Variants in SECTM1 observed in about 807,000 individuals in gnomAD.
SECTM1 encodes the protein secreted and transmembrane 1, also known as secreted and transmembrane protein 1.
A neutral mutation model predicts 18.1 loss-of-function variants in SECTM1; 10 were observed. That is an observed-to-expected ratio of 0.55 (90% CI 0.34 to 0.94). The LOEUF is 0.94. Among genes scored for constraint, SECTM1 ranks in the 40% least tolerant of loss-of-function variants. The pLI is 0.02. For missense variants in SECTM1, 297 were observed against 322.6 expected (o/e 0.92, Z 0.61); for synonymous variants, 137 against 139.2 (o/e 0.98, Z 0.11).
intron 1 of SECTM1, among the ~76,000 whole-genome samples, chr17:82,327,521 C>T (rs962513542): frequency 6.6e-6 from 1 of 152,208 alleles, no homozygotes; most frequent in Non-Finnish European, 1.5e-5. Context: ...GACAGAGTTG[C>T]CCGCAGCACA....
rs1043892761 is a variant in SECTM1 at position 82,328,778 on chromosome 17, C to T, written c.-52-1486G>A. Among the ~76,000 whole-genome samples the T allele has an allele frequency of 2.0e-5, 3 of 152,146 alleles. No individual in the cohort carries two copies. Among genetic ancestry groups the T allele is most frequent in the African/African-American group, 7.2e-5 (3 of 41,426 alleles). ...CTTTCAGCCGAGAGAACTCCACCTTCGAAGGCGGCTGGGGCAAGGGTTCGT... is the reference window on the plus strand; with the variant it reads ...CTTTCAGCCGAGAGAACTCCACCTTTGAAGGCGGCTGGGGCAAGGGTTCGT... On this transcript the variant is annotated intron_variant, in intron 1 of 4. Coordinates refer to ENST00000269389, the MANE Select transcript of SECTM1 (RefSeq NM_003004.3). The surrounding 1 kb of genome is among the most constrained non-coding windows in gnomAD (Gnocchi z 5.8).
Position 82,327,168 on chromosome 17 carries a change from A to G in SECTM1, c.73T>C (p.Ser25Pro), listed in dbSNP as rs2052153673. 6 of 1,611,686 alleles carry G rather than the reference A, an allele frequency of 3.7e-6. No homozygotes were observed. The highest frequency in any genetic ancestry group is 5.1e-6 in the Non-Finnish European group (6 of 1,178,858). The change falls in exon 2 of 5, where the codon TCC becomes CCC. Residue 25 changes from serine to proline, a missense_variant. Physicochemically the swap from Ser to Pro is moderately conservative, Grantham distance 74. Transcript: ENST00000269389. The part of the protein sequence containing the change: ...ALGTLLFLAA[S>P]LSAQNEGWDS... ...CTACCTTCATTCTGAGCACTCAAGG[A>G]GGCAGCCAAAAACAGGAGGGTCCCA...
intron 1 of SECTM1, chr17:82,327,986 C>A (rs1244896992): frequency 2.2e-5 from 3 of 137,428 alleles, no homozygotes; most frequent in Admixed American, 2.2e-4. Flanking sequence ...CCCAGCCTGT[C>A]CATCAGCCTC....
rs1007410475 is a variant in SECTM1, at chr17:82,330,322, G to C, written c.-52-3030C>G. ...CACCTGGAGCCTGGAGGCCATCTGA[G>C]TCTGTTTCACAAATGCTTCCAGGGA... On this transcript the variant is annotated intron_variant, in intron 1 of 4. Coordinates refer to ENST00000269389, the MANE Select transcript of SECTM1 (RefSeq NM_003004.3). This position sits in a 1 kb window ranked among gnomAD's most constrained non-coding sequence, Gnocchi z 6.1. 6.6e-6 allele frequency among the ~76,000 whole-genome samples: 1 copy of C among 152,170 alleles called. No homozygotes were observed. The highest frequency in any genetic ancestry group is 2.4e-5 in the African/African-American group (1 of 41,428).
rs549164353 is a variant in SECTM1, at chr17:82,330,249, G to A, written c.-52-2957C>T. ...ACCACCCCGCCGACCGTGTCCGGGA[G>A]GGGATGCCCTGCTGCTCTCCCCAGG... is the stretch of plus-strand genomic sequence containing the variant. On this transcript the variant is annotated intron_variant, in intron 1 of 4. Coordinates refer to ENST00000269389, the MANE Select transcript of SECTM1 (RefSeq NM_003004.3). The surrounding 1 kb of genome is among the most constrained non-coding windows in gnomAD (Gnocchi z 6.1). Among the ~76,000 whole-genome samples the A allele has an allele frequency of 6.6e-5, 10 of 152,310 alleles. No homozygotes were observed. The highest frequency in any genetic ancestry group is 2.2e-4 in the African/African-American group (9 of 41,576).
At position 82,325,397 on chromosome 17, in the gene SECTM1, G is replaced by A. The variant is rs2052137725; in HGVS notation, c.95-507C>T. Among the ~76,000 whole-genome samples the A allele has an allele frequency of 6.6e-6, 1 of 152,206 alleles. No homozygotes were observed. Among genetic ancestry groups the A allele is most frequent in the Non-Finnish European group, 1.5e-5 (1 of 68,036 alleles). ...CTGCGTGAGGAAGGGCAGGGCTTCT[G>A]CAGACACCCACAGGCCAGCCTCAGA... is the stretch of plus-strand genomic sequence containing the variant. On this transcript the variant is annotated intron_variant, in intron 2 of 4. Transcript: ENST00000269389. This position sits in a 1 kb window ranked among gnomAD's most constrained non-coding sequence, Gnocchi z 7.6.
rs957738254 is a variant in SECTM1, at chr17:82,322,026, T to A, written c.*135A>T. On this transcript the variant is annotated 3_prime_UTR_variant, in exon 5 of 5. Coordinates refer to ENST00000269389, the MANE Select transcript of SECTM1 (RefSeq NM_003004.3). ...GGAAGGGTCTGCACGCACCCAGGAG[T>A]GGGTGACACAGAGGCCCAGCCTGCC... 2.7e-6 allele frequency: 2 copies of A among 751,408 alleles called. No individual in the cohort carries two copies. The highest frequency in any genetic ancestry group is 4.4e-6 in the Non-Finnish European group (2 of 452,734). 46.5% of individuals were successfully genotyped at this position (751,408 alleles called of 1,614,324 possible).
rs1245782907 is a variant in SECTM1 at position 82,330,244 on chromosome 17, CG to C, written c.-52-2953del. ...TCCGCACCACCCCGCCGACCGTGTCCGGGAGGGGATGCCCTGCTGCTCTCCC... is the reference window on the plus strand; with the variant it reads ...TCCGCACCACCCCGCCGACCGTGTCCGGAGGGGATGCCCTGCTGCTCTCCC... On this transcript the variant is annotated intron_variant, in intron 1 of 4. Transcript: ENST00000269389. The surrounding 1 kb of genome is among the most constrained non-coding windows in gnomAD (Gnocchi z 6.1). 1.3e-5 allele frequency among the ~76,000 whole-genome samples: 2 copies of C among 152,178 alleles called. No individual in the cohort carries two copies. Among genetic ancestry groups the C allele is most frequent in the African/African-American group, 4.8e-5 (2 of 41,436 alleles).
chr17:82,333,049 G>A (rs2052204517), intron 1 of SECTM1, among the ~76,000 whole-genome samples: 1 of 151,380 alleles, frequency 6.6e-6, no homozygotes. Flanking sequence ...ACGGGCAGCT[G>A]AGGGCCTGCC....
At position 82,328,911 on chromosome 17, in the gene SECTM1, G is replaced by A. The variant is rs116603822; in HGVS notation, c.-52-1619C>T. ...TCCCAGCTCCCAGTGCAGCCCACACGCCGGAGTGCAGATGACCTGCAGGGA... is the reference window on the plus strand; with the variant it reads ...TCCCAGCTCCCAGTGCAGCCCACACACCGGAGTGCAGATGACCTGCAGGGA... On this transcript the variant is annotated intron_variant, in intron 1 of 4. Transcript: ENST00000269389. This position sits in a 1 kb window ranked among gnomAD's most constrained non-coding sequence, Gnocchi z 5.8. Among the ~76,000 whole-genome samples the A allele has an allele frequency of 0.061, 9,270 of 152,254 alleles. 369 individuals carry two copies. The highest frequency in any genetic ancestry group is 0.11 in the African/African-American group (4,480 of 41,530).
rs1399753433 is a variant in SECTM1 at position 82,330,851 on chromosome 17, G to A, written c.-53+2849C>T. ...TGGGAGTGAGAAGCTGGCACTGTCC[G>A]TCTTTCTGGCCTCATCCTCTCCATG... On this transcript the variant is annotated intron_variant, in intron 1 of 4. Transcript: ENST00000269389. This position sits in a 1 kb window ranked among gnomAD's most constrained non-coding sequence, Gnocchi z 6.1. 1.3e-5 allele frequency among the ~76,000 whole-genome samples: 2 copies of A among 152,242 alleles called. No individual in the cohort carries two copies. Among genetic ancestry groups the A allele is most frequent in the South Asian group, 2.1e-4 (1 of 4,822 alleles).
chr17:82,329,928 G>A lies in SECTM1; in HGVS notation c.-52-2636C>T, dbSNP rs1299982887. On this transcript the variant is annotated intron_variant, in intron 1 of 4. Coordinates refer to ENST00000269389, the MANE Select transcript of SECTM1 (RefSeq NM_003004.3). This position sits in a 1 kb window ranked among gnomAD's most constrained non-coding sequence, Gnocchi z 7.6. ...GGACACATGCCCCAGCTCAGCACCC[G>A]AGGCTTCATCCCATCTGCATAGTCT... Among the ~76,000 whole-genome samples the A allele has an allele frequency of 1.3e-5, 2 of 152,126 alleles. No homozygotes were observed. The highest frequency in any genetic ancestry group is 2.1e-4 in the South Asian group (1 of 4,826).
At position 82,329,429 on chromosome 17, in the gene SECTM1, C is replaced by G. The variant is rs930574118; in HGVS notation, c.-52-2137G>C. On this transcript the variant is annotated intron_variant, in intron 1 of 4. Coordinates refer to ENST00000269389, the MANE Select transcript of SECTM1 (RefSeq NM_003004.3). This position sits in a 1 kb window ranked among gnomAD's most constrained non-coding sequence, Gnocchi z 7.6. ...TGTCCTGAGGTCTGGGTTCCCCACT[C>G]CAGGCAGCCGCTATGCTCAGTACAA... 2 of 152,262 alleles carry G rather than the reference C, an allele frequency of 1.3e-5. No homozygotes were observed. Among genetic ancestry groups the G allele is most frequent in the South Asian group, 2.1e-4 (1 of 4,832 alleles). The allele number at this position is 152,262 out of a possible 1,614,324, so 9.4% of individuals were successfully genotyped here.
At position 82,326,942 on chromosome 17, in the gene SECTM1, A is replaced by G. The variant is rs79159073; in HGVS notation, c.94+205T>C. Among the ~76,000 whole-genome samples the G allele has an allele frequency of 0.036, 5,130 of 143,438 alleles. 159 individuals carry two copies. Among genetic ancestry groups the G allele is most frequent in the African/African-American group, 0.065 (2,427 of 37,350 alleles). The allele number at this position is 143,438 out of a possible 152,430, so 94.1% of individuals were successfully genotyped here. ...GGCGGGACACGGCCCACTCACCACC[A>G]CCCTCCACCCACGGCGGGACACGGT... On this transcript the variant is annotated intron_variant, in intron 2 of 4. Transcript: ENST00000269389. The surrounding 1 kb of genome is among the most constrained non-coding windows in gnomAD (Gnocchi z 4.3).
chr17:82,322,742 G>A, intron 4 of SECTM1, 136 bp downstream of exon 4: 1 of 1,132,754 alleles, frequency 8.8e-7, no homozygotes, highest in Non-Finnish European at 1.2e-6. Flanking sequence ...GGCGGGGACT[G>A]GCTCTCTGGG....
chr17:82,323,910 C>T (rs2052121258), intron 3 of SECTM1, among the ~76,000 whole-genome samples: 1 of 151,376 alleles, frequency 6.6e-6, no homozygotes, highest in Non-Finnish European at 1.5e-5. Flanking sequence ...GTGGTCCCAG[C>T]CCTGAAGACA....
intron 4 of SECTM1, 148 bp downstream of exon 4, chr17:82,322,730 C>T: frequency 9.7e-7 from 1 of 1,033,708 alleles, no homozygotes; most frequent in Non-Finnish European, 1.4e-6. Context: ...GGCTGGGCCC[C>T]TGGCGGGGAC....
chr17:82,322,172 C>G lies in SECTM1; in HGVS notation c.736G>C (p.Ala246Pro). 1 of 1,613,700 alleles carries G rather than the reference C, an allele frequency of 6.2e-7. No individual in the cohort carries two copies. The highest frequency in any genetic ancestry group is 8.5e-7 in the Non-Finnish European group (1 of 1,179,750). Residue 246 changes from alanine (A) to proline (P), a missense_variant, in exon 5 of 5, where the codon GCA becomes CCA. Coordinates refer to ENST00000269389, the MANE Select transcript of SECTM1 (RefSeq NM_003004.3). ...LSPQPLFPYA[A>P]DP ...TGCCTTGCAGGCGGCTATGGGTCTG[C>G]GGCATATGGAAACAAGGGTTGGGGG...
chr17:82,321,548 G>A lies in SECTM1; in HGVS notation c.*613C>T, dbSNP rs2052088374. On this transcript the variant is annotated 3_prime_UTR_variant, in exon 5 of 5. Coordinates refer to ENST00000269389, the MANE Select transcript of SECTM1 (RefSeq NM_003004.3). Reference sequence around the variant, plus strand: ...TGAGGGATGCGCGTCCAGCCCCGGAGGGCGGCGTCCACCTGACCCCCCAGC... The same window carrying A: ...TGAGGGATGCGCGTCCAGCCCCGGAAGGCGGCGTCCACCTGACCCCCCAGC... 3.3e-5 allele frequency: 5 copies of A among 153,412 alleles called. No homozygotes were observed. The South Asian group carries it at 7.3e-4, about 22-fold the overall frequency. The allele number at this position is 153,412 out of a possible 1,614,324, so 9.5% of individuals were successfully genotyped here.
Sources: gnomAD v4.1 joint callset for allele counts (sites outside exome capture counted in the v4.1 genomes callset) on GRCh38, gnomAD v4.1.1 for gene constraint, Gnocchi (gnomAD v3.1) non-coding constraint, MANE v1.5 for transcripts, NCBI Gene and HGNC (gene_info 2026-07-23, HGNC 2026-07-21) for gene names.